The following CARMIL1 variants were observed in gnomAD, a reference collection of about 807,000 sequenced individuals.
CARMIL1 encodes the protein F-actin-uncapping protein LRRC16A.
Under a neutral mutation model 177.1 loss-of-function variants are expected in CARMIL1, and 90 were observed. The observed-to-expected ratio is 0.51, with a 90% CI of 0.43 to 0.61. CARMIL1 has a LOEUF of 0.61. Among genes scored for constraint, CARMIL1 ranks in the 20% least tolerant of loss-of-function variants. The probability of loss-of-function intolerance (pLI) is 0.00; values close to 1 mark genes in which losing one functional copy is unlikely to be tolerated. For missense variants in CARMIL1, 1,380 were observed against 1,667.0 expected (o/e 0.83, Z 3.00); for synonymous variants, 577 against 606.2 (o/e 0.95, Z 0.71).
chr6:25,421,298 G>A (rs981934415), intron 3 of CARMIL1, among the ~76,000 whole-genome samples: 25 of 152,218 alleles, frequency 1.6e-4, no homozygotes, highest in African/African-American at 5.8e-4. Flanking sequence ...GGCCATCAGA[G>A]AAATGCAAAT....
chr6:25,357,844 G>A (rs1004089950), intron 2 of CARMIL1, among the ~76,000 whole-genome samples: 1 of 152,178 alleles, frequency 6.6e-6, no homozygotes, highest in Non-Finnish European at 1.5e-5. Flanking sequence ...CAATAAGGTG[G>A]AAATAATGCA....
intron 8 of CARMIL1, among the ~76,000 whole-genome samples, chr6:25,456,247 A>G (rs997105885): frequency 3.3e-5 from 5 of 152,222 alleles, no homozygotes; most frequent in African/African-American, 4.8e-5. Context: ...TAAGATCTAT[A>G]TAGGTGCTTC....
intron 36 of CARMIL1, among the ~76,000 whole-genome samples, chr6:25,618,515 C>G (rs1012702902): frequency 6.6e-6 from 1 of 152,132 alleles, no homozygotes; most frequent in Non-Finnish European, 1.5e-5. Flanking sequence ...GTACAGCATC[C>G]GAACCTTTTC....
At chr6:25,497,893 C>A (rs182017094) in intron 16 of CARMIL1, among the ~76,000 whole-genome samples, 1 of 152,084 alleles carries the variant, frequency 6.6e-6, no homozygotes, top group Non-Finnish European at 1.5e-5. Context: ...TTCATTGTTG[C>A]GATTTTCCTT....
chr6:25,541,161 T>G (rs1808852912), intron 26 of CARMIL1, among the ~76,000 whole-genome samples: 1 of 152,212 alleles, frequency 6.6e-6, no homozygotes, highest in African/African-American at 2.4e-5. Flanking sequence ...GAAAATGACT[T>G]ACTCTTTGTG....
intron 2 of CARMIL1, among the ~76,000 whole-genome samples, chr6:25,316,033 G>T (rs576707953): frequency 6.6e-6 from 1 of 152,284 alleles, no homozygotes; most frequent in Non-Finnish European, 1.5e-5. Flanking sequence ...GTTATGACTT[G>T]GTCACAGCTG....
intron 36 of CARMIL1, among the ~76,000 whole-genome samples, chr6:25,611,563 A>T (rs960991155): frequency 6.6e-6 from 1 of 152,220 alleles, no homozygotes; most frequent in African/African-American, 2.4e-5. Context: ...GGAAGCGTTG[A>T]AAATGCCTGA....
At chr6:25,594,580 C>T (rs1814637223) in intron 32 of CARMIL1, 53 bp downstream of exon 32, 2 of 989,466 alleles carry the variant, frequency 2.0e-6, no homozygotes, top group Non-Finnish European at 3.1e-6. Flanking sequence ...ATTTAAATTA[C>T]TAACAGTTAC....
Position 25,365,542 on chromosome 6 carries a change from G to GC in CARMIL1, c.139-54566dup, listed in dbSNP as rs566121899. 1.2e-4 allele frequency among the ~76,000 whole-genome samples: 19 copies of GC among 152,110 alleles called. 1 individual carries two copies. The highest frequency in any genetic ancestry group is 5.9e-4 in the Admixed American group (9 of 15,272). ...CAGTATTGGAGAAGAATTGCCGTCCGCCCCCCTCACTTTATTTATTTATTT... is the reference window on the plus strand; with the variant it reads ...CAGTATTGGAGAAGAATTGCCGTCCGCCCCCCCTCACTTTATTTATTTATTT... On this transcript the variant is annotated intron_variant, in intron 2 of 36. Coordinates refer to ENST00000329474, the MANE Select transcript of CARMIL1 (RefSeq NM_017640.6).
At chr6:25,583,680 T>C (rs561284946) in intron 31 of CARMIL1, among the ~76,000 whole-genome samples, 87 of 152,346 alleles carry the variant, frequency 5.7e-4, no homozygotes, top group Middle Eastern at 6.8e-3. Context: ...TGTTTCAAAA[T>C]ACAAAAACAT....
Position 25,517,334 on chromosome 6 carries a change from G to T in CARMIL1, c.1806-13G>T. The T allele has an allele frequency of 6.2e-7, 1 of 1,605,904 alleles. No individual in the cohort carries two copies. The highest frequency in any genetic ancestry group is 1.1e-5 in the South Asian group (1 of 90,746). ...AAGTGTCTGATCATTTATGTGATTTGATTTTCAAACAGGACTGTAATATGG... is the reference window on the plus strand; with the variant it reads ...AAGTGTCTGATCATTTATGTGATTTTATTTTCAAACAGGACTGTAATATGG... On this transcript the variant is annotated splice_polypyrimidine_tract_variant and intron_variant, in intron 21 of 36. Coordinates refer to ENST00000329474, the MANE Select transcript of CARMIL1 (RefSeq NM_017640.6).
intron 5 of CARMIL1, among the ~76,000 whole-genome samples, chr6:25,442,434 C>T (rs185857062): frequency 3.8e-4 from 57 of 151,302 alleles, no homozygotes; most frequent in Admixed American, 3.1e-3. Flanking sequence ...AACAAATCCT[C>T]TGTCTTTCTG....
chr6:25,463,695 C>G (rs945324963), intron 8 of CARMIL1, among the ~76,000 whole-genome samples: 2 of 152,086 alleles, frequency 1.3e-5, no homozygotes, highest in Admixed American at 1.3e-4. Context: ...CTTAGAGAAG[C>G]TACAACCTGT....
intron 2 of CARMIL1, among the ~76,000 whole-genome samples, chr6:25,307,329 T>C (rs1227227087): frequency 1.3e-5 from 2 of 152,236 alleles, no homozygotes; most frequent in Non-Finnish European, 2.9e-5. Context: ...ATGGAACTTA[T>C]TATTCGTGTT....
At chr6:25,357,754 T>C (rs1367707113) in intron 2 of CARMIL1, among the ~76,000 whole-genome samples, 1 of 152,216 alleles carries the variant, frequency 6.6e-6, no homozygotes, top group Non-Finnish European at 1.5e-5. Context: ...ATAAGAAGCT[T>C]GAACTACTTT....
At chr6:25,293,592 C>T (rs1279889713) in intron 2 of CARMIL1, among the ~76,000 whole-genome samples, 1 of 151,658 alleles carries the variant, frequency 6.6e-6, no homozygotes, top group Admixed American at 6.6e-5. Context: ...TTGCCTAGGC[C>T]AGTCTTAAAC....
intron 2 of CARMIL1, chr6:25,350,470 C>G (rs953846244): frequency 2.0e-5 from 3 of 152,194 alleles, no homozygotes; most frequent in Non-Finnish European, 4.4e-5. Context: ...GGGCTGGGGT[C>G]AAGGCTGCCT....
intron 8 of CARMIL1, among the ~76,000 whole-genome samples, chr6:25,451,511 C>T (rs1798922998): frequency 6.6e-6 from 1 of 152,148 alleles, no homozygotes; most frequent in Admixed American, 6.5e-5. Flanking sequence ...AAACCTGTTA[C>T]AAGTTATTTG....
intron 2 of CARMIL1, among the ~76,000 whole-genome samples, chr6:25,294,227 A>C (rs1323014038): frequency 6.6e-6 from 1 of 152,208 alleles, no homozygotes; most frequent in African/African-American, 2.4e-5. Flanking sequence ...CTAAGAAGGC[A>C]AATGTGTCTA....
Sources: gnomAD v4.1 joint callset for allele counts (sites outside exome capture counted in the v4.1 genomes callset) on GRCh38, gnomAD v4.1.1 for gene constraint, MANE v1.5 for transcripts, NCBI Gene and HGNC (gene_info 2026-07-23, HGNC 2026-07-21) for gene names.